The following WIPF3 variants were observed in gnomAD, a reference collection of about 807,000 sequenced individuals.
The protein encoded by WIPF3 is WAS/WASL-interacting protein family member 3.
Under a neutral mutation model 38.9 loss-of-function variants are expected in WIPF3, and 33 were observed. The ratio of observed to expected loss-of-function variants is 0.85; its 90% CI spans 0.64 to 1.14. The LOEUF is 1.14. WIPF3 is among the 50% of genes most tolerant of loss of function. WIPF3 has a pLI of 0.00. For synonymous variants in WIPF3, 324 were observed against 269.3 expected, an observed-to-expected ratio of 1.20 and a Z score of -1.99; for missense variants, 711 against 652.5, an observed-to-expected ratio of 1.09 and a Z score of -0.98.
intron 1 of WIPF3, among the ~76,000 whole-genome samples, chr7:29,824,604 G>T (rs1276581905): frequency 6.6e-6 from 1 of 152,112 alleles, no homozygotes; most frequent in Non-Finnish European, 1.5e-5. Flanking sequence ...AGTGTGATGT[G>T]GGTAAAACGG....
chr7:29,861,177 G>A (rs1562779927), intron 2 of WIPF3, among the ~76,000 whole-genome samples: 1 of 152,136 alleles, frequency 6.6e-6, no homozygotes, highest in Non-Finnish European at 1.5e-5. Flanking sequence ...ATATGGAAGT[G>A]TCTGGATTTC....
At chr7:29,858,162 G>C (rs942486360) in intron 2 of WIPF3, among the ~76,000 whole-genome samples, 5 of 152,156 alleles carry the variant, frequency 3.3e-5, no homozygotes, top group African/African-American at 9.7e-5. Flanking sequence ...ATATACTAGA[G>C]ATCAGAATAG....
intron 2 of WIPF3, among the ~76,000 whole-genome samples, chr7:29,862,185 G>A (rs1045260954): frequency 6.6e-6 from 1 of 152,032 alleles, no homozygotes; most frequent in African/African-American, 2.4e-5. Flanking sequence ...ATTCCTTGCT[G>A]GCAGCACCTC....
intron 2 of WIPF3, among the ~76,000 whole-genome samples, chr7:29,857,199 T>G (rs1164396479): frequency 3.9e-5 from 6 of 152,032 alleles, no homozygotes; most frequent in African/African-American, 7.2e-5. Context: ...CCTTACACCC[T>G]AACCACCTCC....
At chr7:29,873,690 T>G (rs28600196) in intron 2 of WIPF3, among the ~76,000 whole-genome samples, 48,274 of 152,094 alleles carry the variant, frequency 0.32, 8,325 homozygotes, top group African/African-American at 0.44. Context: ...CTCCTTGCTC[T>G]CCACTTTCTT....
At chr7:29,824,709 C>T (rs1259931740) in intron 1 of WIPF3, among the ~76,000 whole-genome samples, 1 of 152,088 alleles carries the variant, frequency 6.6e-6, no homozygotes, top group Non-Finnish European at 1.5e-5. Flanking sequence ...GGAGTGATGT[C>T]ATGGACGCTG....
At position 29,844,196 on chromosome 7, in the gene WIPF3, G is replaced by A. The variant is rs1226588800; in HGVS notation, c.90+9382G>A. On this transcript the variant is annotated intron_variant, in intron 2 of 8. Coordinates refer to ENST00000242140, the MANE Select transcript of WIPF3 (RefSeq NM_001080529.3). The surrounding 1 kb of genome is among the most constrained non-coding windows in gnomAD (Gnocchi z 4.8). ...CGTGTCATCACTGGGTATCTGGGGTGGAAAAGGGTTGGGTGATTTTTATTT... is the reference window on the plus strand; with the variant it reads ...CGTGTCATCACTGGGTATCTGGGGTAGAAAAGGGTTGGGTGATTTTTATTT... 2.0e-5 allele frequency among the ~76,000 whole-genome samples: 3 copies of A among 152,180 alleles called. No homozygotes were observed. The highest frequency in any genetic ancestry group is 7.2e-5 in the African/African-American group (3 of 41,442).
intron 2 of WIPF3, among the ~76,000 whole-genome samples, chr7:29,859,712 C>T (rs779232393): frequency 6.6e-6 from 1 of 152,118 alleles, no homozygotes; most frequent in African/African-American, 2.4e-5. Context: ...AGTTTCCTCT[C>T]GATCTCAAGG....
rs1179521067 is a variant in WIPF3 at position 29,844,644 on chromosome 7, T to C, written c.90+9830T>C. ...CCTCCAGCTGCGTGAACGGGTTCAG[T>C]AAGTGGTACTGATGACTAGGCAATG... On this transcript the variant is annotated intron_variant, in intron 2 of 8. Transcript: ENST00000242140. This position sits in a 1 kb window ranked among gnomAD's most constrained non-coding sequence, Gnocchi z 4.8. Among the ~76,000 whole-genome samples, 1 of 152,216 alleles carries C rather than the reference T, an allele frequency of 6.6e-6. No homozygotes were observed. Among genetic ancestry groups the C allele is most frequent in the Non-Finnish European group, 1.5e-5 (1 of 68,038 alleles).
intron 1 of WIPF3, among the ~76,000 whole-genome samples, chr7:29,808,897 A>G (rs145608052): frequency 6.6e-6 from 1 of 152,306 alleles, no homozygotes; most frequent in East Asian, 1.9e-4. Flanking sequence ...CGAGAAAACA[A>G]AATGTGATTA....
chr7:29,862,584 G>T (rs1785309575), intron 2 of WIPF3, among the ~76,000 whole-genome samples: 1 of 152,234 alleles, frequency 6.6e-6, no homozygotes, highest in Non-Finnish European at 1.5e-5. Flanking sequence ...CAAAGAGTCG[G>T]CAGTGAAAGG....
intron 8 of WIPF3, among the ~76,000 whole-genome samples, chr7:29,910,223 C>CA (rs558684760): frequency 2.1e-3 from 318 of 149,848 alleles, no homozygotes; most frequent in African/African-American, 6.5e-3. Context: ...TATGTACCCA[C>CA]AAAAAAAAAG....
intron 1 of WIPF3, among the ~76,000 whole-genome samples, chr7:29,824,612 C>T (rs768995127): frequency 6.6e-6 from 1 of 150,626 alleles, no homozygotes; most frequent in Non-Finnish European, 1.5e-5. Flanking sequence ...GTGGGTAAAA[C>T]GGAGGAGGCC....
intron 2 of WIPF3, among the ~76,000 whole-genome samples, chr7:29,839,306 A>G (rs1452335892): frequency 6.6e-6 from 1 of 152,206 alleles, no homozygotes; most frequent in Non-Finnish European, 1.5e-5. Context: ...TGTAACTTCC[A>G]ATGTCGTGAT....
intron 2 of WIPF3, among the ~76,000 whole-genome samples, chr7:29,865,001 T>C (rs917716525): frequency 6.6e-6 from 1 of 152,226 alleles, no homozygotes; most frequent in Non-Finnish European, 1.5e-5. Context: ...TATTAATAGC[T>C]AACATTTATT....
intron 1 of WIPF3, among the ~76,000 whole-genome samples, chr7:29,824,508 C>T (rs1784585735): frequency 6.6e-6 from 1 of 151,132 alleles, no homozygotes; most frequent in Non-Finnish European, 1.5e-5. Context: ...AAGGCCCTGA[C>T]CTGCAGCCTG....
At chr7:29,860,347 G>A (rs1221622332) in intron 2 of WIPF3, among the ~76,000 whole-genome samples, 1 of 152,092 alleles carries the variant, frequency 6.6e-6, no homozygotes, top group Non-Finnish European at 1.5e-5. Context: ...GGGTCATGGG[G>A]ACAGCTCCCC....
chr7:29,851,890 C>G (rs1201930301), intron 2 of WIPF3, among the ~76,000 whole-genome samples: 2 of 152,242 alleles, frequency 1.3e-5, no homozygotes, highest in Non-Finnish European at 2.9e-5. Context: ...GATTTTCTTT[C>G]TTGTTTCATG....
At chr7:29,814,394 A>G (rs1784426370) in intron 1 of WIPF3, among the ~76,000 whole-genome samples, 1 of 152,222 alleles carries the variant, frequency 6.6e-6, no homozygotes, top group Non-Finnish European at 1.5e-5. Flanking sequence ...TTATTTATCC[A>G]TCAAACATTT....
Sources: allele counts gnomAD v4.1 joint callset (sites outside exome capture counted in the v4.1 genomes callset), GRCh38; gene constraint gnomAD v4.1.1; non-coding constraint Gnocchi (gnomAD v3.1); transcripts MANE v1.5; gene names NCBI Gene and HGNC (gene_info 2026-07-23, HGNC 2026-07-21).